The following SLC9A8 variants were observed in gnomAD, a reference collection of about 807,000 sequenced individuals.
SLC9A8 encodes solute carrier family 9 member A8.
SLC9A8 carries 48 observed loss-of-function variants against 66.6 expected under a neutral mutation model. The ratio of observed to expected loss-of-function variants is 0.72; its 90% CI spans 0.57 to 0.92. The LOEUF is 0.92. Ranked by LOEUF, SLC9A8 falls within the 40% of genes least tolerant of loss-of-function variation. SLC9A8 has a pLI of 0.00. For synonymous variants in SLC9A8, 274 were observed against 282.6 expected, an observed-to-expected ratio of 0.97 and a Z score of 0.31; for missense variants, 599 against 747.3, an observed-to-expected ratio of 0.80 and a Z score of 2.31.
chr20:49,875,875 T>C (rs1195284477), intron 11 of SLC9A8, among the ~76,000 whole-genome samples: 2 of 152,042 alleles, frequency 1.3e-5, no homozygotes, highest in African/African-American at 4.8e-5. Context: ...GCTGGGACTA[T>C]AGGTGCCCGC....
intron 7 of SLC9A8, among the ~76,000 whole-genome samples, chr20:49,851,457 T>G (rs979696325): frequency 2.0e-5 from 3 of 152,216 alleles, no homozygotes; most frequent in African/African-American, 7.2e-5. Flanking sequence ...AAAGTGCCCA[T>G]GCTGAGCATA....
At chr20:49,847,307 T>C (rs1208541046) in intron 5 of SLC9A8, among the ~76,000 whole-genome samples, 1 of 151,952 alleles carries the variant, frequency 6.6e-6, no homozygotes, top group Non-Finnish European at 1.5e-5. Flanking sequence ...TTTCAAAACA[T>C]GCTGAGGAAA....
intron 3 of SLC9A8, among the ~76,000 whole-genome samples, chr20:49,827,193 C>T (rs1200980308): frequency 6.6e-6 from 1 of 151,650 alleles, no homozygotes. Flanking sequence ...CTGCCTGCCT[C>T]GGCTTCCCAA....
At chr20:49,844,586 C>G (rs1050622405) in intron 4 of SLC9A8, among the ~76,000 whole-genome samples, 5 of 141,412 alleles carry the variant, frequency 3.5e-5, no homozygotes, top group Admixed American at 1.5e-4. Context: ...GAGTTTGAGA[C>G]CAGCCTGGGC....
Position 49,824,447 on chromosome 20 carries a change from C to T in SLC9A8, c.289+1306C>T, listed in dbSNP as rs747903483. ...CTAATACCCATAATTCTGGGACATT[C>T]GGTAAAGGCTCTAAGAACTACTCCA... On this transcript the variant is annotated intron_variant, in intron 3 of 15. Coordinates refer to ENST00000361573, the MANE Select transcript of SLC9A8 (RefSeq NM_015266.3). 3.9e-5 allele frequency among the ~76,000 whole-genome samples: 6 copies of T among 152,234 alleles called. No individual in the cohort carries two copies. In the South Asian group the frequency reaches 6.2e-4, roughly 16 times the overall value.
At chr20:49,840,741 C>G (rs2087724640) in intron 4 of SLC9A8, among the ~76,000 whole-genome samples, 1 of 152,100 alleles carries the variant, frequency 6.6e-6, no homozygotes, top group African/African-American at 2.4e-5. Context: ...GACTGAAGAG[C>G]CTTTTTCTAC....
intron 2 of SLC9A8, among the ~76,000 whole-genome samples, chr20:49,819,875 C>T (rs1471515090): frequency 6.6e-6 from 1 of 152,138 alleles, no homozygotes; most frequent in Non-Finnish European, 1.5e-5. Flanking sequence ...GTTAGAATTG[C>T]ATTCCTTTTT....
chr20:49,839,498 T>C (rs1179525242), intron 3 of SLC9A8, 43 bp from the exon 4 acceptor site: 1 of 1,306,648 alleles, frequency 7.7e-7, no homozygotes, highest in East Asian at 2.3e-5. Flanking sequence ...GTAATCTTTC[T>C]CATATCTTAA....
At position 49,880,908 on chromosome 20, in the gene SLC9A8, T is replaced by C. The variant is rs764695059; in HGVS notation, c.1159-16T>C. The C allele has an allele frequency of 1.3e-6, 2 of 1,555,776 alleles. No homozygotes were observed. The highest frequency in any genetic ancestry group is 2.2e-5 in the South Asian group (2 of 89,852). ...CAGATGTTTTCACCTAAGACTTAGTTTGTTGCTATCAACAGGTGCTTGTAC... is the reference window on the plus strand; with the variant it reads ...CAGATGTTTTCACCTAAGACTTAGTCTGTTGCTATCAACAGGTGCTTGTAC... On this transcript the variant is annotated splice_polypyrimidine_tract_variant and intron_variant, in intron 12 of 15. Coordinates refer to ENST00000361573, the MANE Select transcript of SLC9A8 (RefSeq NM_015266.3).
intron 5 of SLC9A8, among the ~76,000 whole-genome samples, chr20:49,847,423 A>G (rs2088046826): frequency 6.6e-6 from 1 of 150,540 alleles, no homozygotes; most frequent in African/African-American, 2.4e-5. Flanking sequence ...AACTTGTTCA[A>G]AATTTGAGGA....
chr20:49,872,538 T>G (rs1016108008), intron 10 of SLC9A8, among the ~76,000 whole-genome samples: 2 of 151,712 alleles, frequency 1.3e-5, no homozygotes, highest in Non-Finnish European at 2.9e-5. Flanking sequence ...CAGGCTGGAG[T>G]GCAGTGCCGC....
intron 7 of SLC9A8, among the ~76,000 whole-genome samples, chr20:49,854,134 C>T (rs1046834294): frequency 5.9e-5 from 9 of 152,184 alleles, no homozygotes; most frequent in Non-Finnish European, 1.0e-4. Flanking sequence ...TGGAAGGGGG[C>T]AGACCCACCA....
At chr20:49,871,176 GTAAT>G (rs1330919635) in intron 10 of SLC9A8, among the ~76,000 whole-genome samples, 1 of 152,208 alleles carries the variant, frequency 6.6e-6, no homozygotes, top group Admixed American at 6.5e-5. Flanking sequence ...TTATTATTGA[GTAAT>G]TAACACAGCG....
intron 3 of SLC9A8, chr20:49,830,316 C>T (rs893276981): frequency 4.3e-5 from 47 of 1,098,504 alleles, no homozygotes; most frequent in Admixed American, 2.0e-4. Flanking sequence ...TGTCTGGAAC[C>T]GCACTGCCAA....
chr20:49,887,938 G>T lies in SLC9A8; in HGVS notation c.*2G>T, dbSNP rs766571351. The T allele has an allele frequency of 1.2e-6, 2 of 1,611,804 alleles. No individual in the cohort carries two copies. Among genetic ancestry groups the T allele is most frequent in the South Asian group, 1.1e-5 (1 of 91,002 alleles). ...GACGACGAGCAGGAGCTGCTCTGAC[G>T]CCAGGTGCCAAGGCTTCAGGCAGGC... On this transcript the variant is annotated 3_prime_UTR_variant, in exon 16 of 16. Transcript: ENST00000361573.
In SLC9A8 at chr20:49,830,558, G is replaced by A. The variant is rs533475745; in HGVS notation, c.289+7417G>A. 5.8e-5 allele frequency: 36 copies of A among 620,412 alleles called. No homozygotes were observed. The South Asian group carries it at 6.3e-4, about 11-fold the overall frequency. The allele number at this position is 620,412 out of a possible 1,614,324, so 38.4% of individuals were successfully genotyped here. Reference sequence around the variant, plus strand: ...AGCTGGCCTGGGTGATTGCGTCCAGGTCGGGGGGTCGCTTTCCAGAAGCTC... The same window carrying A: ...AGCTGGCCTGGGTGATTGCGTCCAGATCGGGGGGTCGCTTTCCAGAAGCTC... On this transcript the variant is annotated intron_variant, in intron 3 of 15. Coordinates refer to ENST00000361573, the MANE Select transcript of SLC9A8 (RefSeq NM_015266.3).
At chr20:49,825,747 A>G (rs1391453142) in intron 3 of SLC9A8, among the ~76,000 whole-genome samples, 1 of 152,220 alleles carries the variant, frequency 6.6e-6, no homozygotes, top group African/African-American at 2.4e-5. Context: ...TAGCTGAATC[A>G]GGTCTCCTGG....
intron 3 of SLC9A8, among the ~76,000 whole-genome samples, chr20:49,834,364 ACTGTGTATATATATATATACTGT>A (rs1568813227): frequency 0.023 from 1,331 of 58,538 alleles, 17 homozygotes; most frequent in Non-Finnish European, 0.033. Context: ...ATATATATAT[ACTGTGTATATATATATATACTGT>A]GTATATATAT....
intron 8 of SLC9A8, among the ~76,000 whole-genome samples, chr20:49,862,066 C>T (rs2088762655): frequency 6.6e-6 from 1 of 151,896 alleles, no homozygotes; most frequent in South Asian, 2.1e-4. Context: ...ACCTTGCCTC[C>T]TGCCACTGTC....
Sources: gnomAD v4.1 joint callset for allele counts (sites outside exome capture counted in the v4.1 genomes callset) on GRCh38, gnomAD v4.1.1 for gene constraint, MANE v1.5 for transcripts, NCBI Gene and HGNC (gene_info 2026-07-23, HGNC 2026-07-21) for gene names.